The following METTL25 variants were observed in gnomAD, a reference collection of about 807,000 sequenced individuals.
METTL25 encodes methyltransferase like 25, also known as probable methyltransferase-like protein 25.
A neutral mutation model predicts 71.6 loss-of-function variants in METTL25; 64 were observed. The observed-to-expected ratio is 0.89, with a 90% CI of 0.73 to 1.10. The LOEUF (loss-of-function observed/expected upper bound fraction) is 1.10, where lower values mean the gene tolerates loss of function less well. Ranked by LOEUF, METTL25 falls within the 50% of genes least tolerant of loss-of-function variation. The pLI is 0.00. For missense variants in METTL25, 807 were observed against 707.0 expected (o/e 1.14, Z -1.60); for synonymous variants, 287 against 250.3 (o/e 1.15, Z -1.38).
At chr12:82,452,105 A>G (rs997551423) in intron 8 of METTL25, among the ~76,000 whole-genome samples, 2 of 152,270 alleles carry the variant, frequency 1.3e-5, no homozygotes. Context: ...ATTTTAAATT[A>G]TTAAATATGA....
chr12:82,417,658 A>G (rs1888103444), intron 5 of METTL25, among the ~76,000 whole-genome samples: 2 of 152,170 alleles, frequency 1.3e-5, no homozygotes, highest in South Asian at 4.1e-4. Context: ...ATACTTTTGA[A>G]TGAGAAGTGG....
chr12:82,440,533 T>A (rs74770660), intron 8 of METTL25, among the ~76,000 whole-genome samples: 1 of 152,144 alleles, frequency 6.6e-6, no homozygotes, highest in Admixed American at 6.6e-5. Flanking sequence ...TCAGACCACA[T>A]AATTAGTTAT....
At chr12:82,426,699 TCCAATCAC>T (rs1889052267) in intron 5 of METTL25, among the ~76,000 whole-genome samples, 10 of 151,986 alleles carry the variant, frequency 6.6e-5, no homozygotes, top group African/African-American at 2.4e-4. Context: ...GCTCCACTTC[TCCAATCAC>T]AGCCCCATGG....
At chr12:82,371,867 T>C (rs1232062177) in intron 1 of METTL25, among the ~76,000 whole-genome samples, 2 of 152,288 alleles carry the variant, frequency 1.3e-5, no homozygotes, top group East Asian at 3.9e-4. Flanking sequence ...TTATGGACTT[T>C]TTCCTAATTC....
At chr12:82,430,779 T>G (rs780554866) in intron 5 of METTL25, 114 bp from the exon 6 acceptor site, 4 of 567,082 alleles carry the variant, frequency 7.1e-6, no homozygotes, top group Non-Finnish European at 1.3e-5. Context: ...TTTCCATGTT[T>G]AACTACTGTT....
intron 8 of METTL25, among the ~76,000 whole-genome samples, chr12:82,444,502 C>T (rs575678817): frequency 8.5e-5 from 13 of 152,112 alleles, no homozygotes; most frequent in East Asian, 5.8e-4. Flanking sequence ...GACAAAATTC[C>T]GAAGACTCTT....
chr12:82,463,135 A>G (rs1057380467), intron 9 of METTL25, among the ~76,000 whole-genome samples: 1 of 152,032 alleles, frequency 6.6e-6, no homozygotes, highest in African/African-American at 2.4e-5. Context: ...TGTTAACTAT[A>G]GTCATCCTGC....
At chr12:82,408,080 G>A in intron 5 of METTL25, 4 of 331,598 alleles carry the variant, frequency 1.2e-5, no homozygotes, top group Non-Finnish European at 1.7e-5. Flanking sequence ...TAATCTCTAG[G>A]CATAGGACTT....
At chr12:82,368,460 C>T (rs1460126589) in intron 1 of METTL25, among the ~76,000 whole-genome samples, 1 of 152,132 alleles carries the variant, frequency 6.6e-6, no homozygotes. Context: ...TGGCAGACAG[C>T]TTTCTTTTGG....
intron 1 of METTL25, among the ~76,000 whole-genome samples, chr12:82,377,213 T>A (rs533965978): frequency 5.3e-5 from 8 of 152,292 alleles, no homozygotes; most frequent in Admixed American, 2.0e-4. Flanking sequence ...TTAAAAAAAA[T>A]TTAGTCAAAA....
chr12:82,420,490 C>A (rs1888380530), intron 5 of METTL25, among the ~76,000 whole-genome samples: 2 of 151,928 alleles, frequency 1.3e-5, no homozygotes, highest in Admixed American at 6.6e-5. Context: ...CATTACATAT[C>A]TGCAGCTTTT....
chr12:82,427,177 AGC>A (rs1373954410), intron 5 of METTL25, among the ~76,000 whole-genome samples: 1 of 151,972 alleles, frequency 6.6e-6, no homozygotes, highest in African/African-American at 2.4e-5. Context: ...CTTGTAATGA[AGC>A]ACACTACCCA....
chr12:82,464,835 A>T (rs187430218), intron 9 of METTL25, among the ~76,000 whole-genome samples: 220 of 151,404 alleles, frequency 1.5e-3, no homozygotes, highest in African/African-American at 4.7e-3. Context: ...TCCTTCGTTA[A>T]ATTTATTCGT....
At position 82,464,466 on chromosome 12, in the gene METTL25, T is replaced by G. The variant is rs554680818; in HGVS notation, c.1572+7646T>G. ...TGGGTTCTCTGTTCTATTGCATTTG[T>G]CTGTGTTTCTGTTTTTATGCCAGTA... On this transcript the variant is annotated intron_variant, in intron 9 of 11. Transcript: ENST00000248306. Among the ~76,000 whole-genome samples, 5 of 152,136 alleles carry G rather than the reference T, an allele frequency of 3.3e-5. No individual in the cohort carries two copies. In the East Asian group the frequency reaches 9.7e-4, roughly 29 times the overall value.
In METTL25 at chr12:82,388,122, A is replaced by C. The variant is rs1592629925; in HGVS notation, c.424+1155A>C. Among the ~76,000 whole-genome samples the C allele has an allele frequency of 2.0e-5, 3 of 151,970 alleles. No individual in the cohort carries two copies. The South Asian group carries it at 6.2e-4, about 31-fold the overall frequency. On this transcript the variant is annotated intron_variant, in intron 2 of 11. Transcript: ENST00000248306. ...TTATTGTTTCCCCAACATTAGATTC[A>C]GGTTATGCATTTTTGATAGGAGTAC...
At chr12:82,367,622 A>G (rs1308606440) in intron 1 of METTL25, among the ~76,000 whole-genome samples, 1 of 152,062 alleles carries the variant, frequency 6.6e-6, no homozygotes, top group African/African-American at 2.4e-5. Flanking sequence ...ATGGCTTCCA[A>G]CCTGTTGTTC....
At chr12:82,371,329 C>G (rs191765837) in intron 1 of METTL25, among the ~76,000 whole-genome samples, 55 of 152,334 alleles carry the variant, frequency 3.6e-4, no homozygotes, top group Admixed American at 1.5e-3. Context: ...TTGGGGCCTC[C>G]TGGCCCGGAG....
At chr12:82,447,150 A>C (rs1469669558) in intron 8 of METTL25, among the ~76,000 whole-genome samples, 10 of 152,158 alleles carry the variant, frequency 6.6e-5, no homozygotes, top group African/African-American at 1.9e-4. Flanking sequence ...CTGAAAAAAA[A>C]CCCACGGAAG....
intron 1 of METTL25, among the ~76,000 whole-genome samples, chr12:82,370,861 G>A (rs909029241): frequency 3.3e-5 from 5 of 151,854 alleles, no homozygotes; most frequent in Admixed American, 6.6e-5. Context: ...CGCTTATGCT[G>A]CTGTTCTCCT....
Sources: allele counts gnomAD v4.1 joint callset (sites outside exome capture counted in the v4.1 genomes callset), GRCh38; gene constraint gnomAD v4.1.1; transcripts MANE v1.5; gene names NCBI Gene and HGNC (gene_info 2026-07-23, HGNC 2026-07-21).